The following CSMD3 variants were observed in gnomAD, a reference collection of about 807,000 sequenced individuals.
The protein encoded by CSMD3 is CUB and Sushi multiple domains 3.
A neutral mutation model predicts 435.2 loss-of-function variants in CSMD3; 177 were observed. That is an observed-to-expected ratio of 0.41 (90% CI 0.36 to 0.46). CSMD3 has a LOEUF of 0.46. Among genes scored for constraint, CSMD3 ranks in the 20% least tolerant of loss-of-function variants. The pLI is 0.34. For synonymous variants in CSMD3, 1,656 were observed against 1,520.5 expected (o/e 1.09, Z -2.07); for missense variants, 4,265 against 4,504.6 (o/e 0.95, Z 1.52).
chr8:112,921,013 A>G (rs952101948), intron 10 of CSMD3, among the ~76,000 whole-genome samples: 13 of 150,382 alleles, frequency 8.6e-5, no homozygotes, highest in South Asian at 6.5e-4. Flanking sequence ...ACACACACAC[A>G]CACACACACA....
chr8:112,598,791 G>A (rs910293225), intron 22 of CSMD3, among the ~76,000 whole-genome samples: 1 of 152,106 alleles, frequency 6.6e-6, no homozygotes, highest in African/African-American at 2.4e-5. Flanking sequence ...TTTAATAAAT[G>A]GTGCTGGGAA....
intron 32 of CSMD3, among the ~76,000 whole-genome samples, chr8:112,430,538 T>C (rs1437792564): frequency 1.3e-5 from 2 of 151,906 alleles, no homozygotes; most frequent in African/African-American, 4.8e-5. Flanking sequence ...AAACTGCTTT[T>C]TCAGTAATAA....
At chr8:112,870,947 T>G (rs2081119181) in intron 10 of CSMD3, among the ~76,000 whole-genome samples, 1 of 152,192 alleles carries the variant, frequency 6.6e-6, no homozygotes, top group Non-Finnish European at 1.5e-5. Flanking sequence ...ACTTACATAT[T>G]TTATTTCCAT....
chr8:112,981,309 G>T (rs1307902919), intron 6 of CSMD3, among the ~76,000 whole-genome samples: 1 of 151,424 alleles, frequency 6.6e-6, no homozygotes, highest in Non-Finnish European at 1.5e-5. Context: ...TCTTAGTGAT[G>T]TAAGAAAAAA....
chr8:112,549,519 C>T (rs1238312730), intron 27 of CSMD3, among the ~76,000 whole-genome samples: 2 of 151,936 alleles, frequency 1.3e-5, no homozygotes, highest in Non-Finnish European at 2.9e-5. Flanking sequence ...AAAAAGTCAG[C>T]CAAGACAATT....
At chr8:112,951,436 C>T (rs1268767320) in intron 8 of CSMD3, among the ~76,000 whole-genome samples, 1 of 151,700 alleles carries the variant, frequency 6.6e-6, no homozygotes, top group African/African-American at 2.4e-5. Context: ...TAAAATTCAC[C>T]TCCACATTAC....
rs531957321 is a variant in CSMD3 at position 113,279,407 on chromosome 8, G to A, written c.402-703C>T. Among the ~76,000 whole-genome samples, 68 of 151,580 alleles carry A rather than the reference G, an allele frequency of 4.5e-4. 1 individual carries two copies. The South Asian group carries it at 0.014, about 31-fold the overall frequency. On this transcript the variant is annotated intron_variant, in intron 2 of 70. Transcript: ENST00000297405. ...AACAATAAATATTTGAACTATTAATGTGTACATTAACATCCAAATCATTTT... is the reference window on the plus strand; with the variant it reads ...AACAATAAATATTTGAACTATTAATATGTACATTAACATCCAAATCATTTT...
At chr8:112,983,998 T>A (rs1163476979) in intron 6 of CSMD3, among the ~76,000 whole-genome samples, 2 of 151,974 alleles carry the variant, frequency 1.3e-5, no homozygotes, top group East Asian at 3.9e-4. Flanking sequence ...TAGCAGCAAA[T>A]TAATTAGTAG....
At chr8:113,168,744 A>G (rs998150619) in intron 4 of CSMD3, among the ~76,000 whole-genome samples, 1 of 151,984 alleles carries the variant, frequency 6.6e-6, no homozygotes, top group African/African-American at 2.4e-5. Flanking sequence ...TCTTGTTTCA[A>G]TATAGTACTT....
intron 4 of CSMD3, among the ~76,000 whole-genome samples, chr8:113,112,142 T>C (rs574142669): frequency 6.6e-6 from 1 of 152,092 alleles, no homozygotes; most frequent in Non-Finnish European, 1.5e-5. Flanking sequence ...GTTTACATTT[T>C]TTCGCTCAGC....
intron 13 of CSMD3, among the ~76,000 whole-genome samples, chr8:112,749,097 T>G (rs1315378958): frequency 6.6e-6 from 1 of 152,146 alleles, no homozygotes; most frequent in Non-Finnish European, 1.5e-5. Flanking sequence ...ATCAGTGATA[T>G]TGAGCTTTTT....
chr8:112,356,506 G>A (rs753782044), intron 38 of CSMD3, among the ~76,000 whole-genome samples: 2 of 151,888 alleles, frequency 1.3e-5, no homozygotes, highest in Non-Finnish European at 2.9e-5. Context: ...GGGGTTACTT[G>A]GTAGGGGAAA....
rs887288728 is a variant in CSMD3, at chr8:112,825,350, G to T, written c.1859+4336C>A. Among the ~76,000 whole-genome samples the T allele has an allele frequency of 3.9e-5, 6 of 152,128 alleles. No individual in the cohort carries two copies. In the East Asian group the frequency reaches 1.2e-3, roughly 29 times the overall value. On this transcript the variant is annotated intron_variant, in intron 12 of 70. Transcript: ENST00000297405. ...TCTGTCCAGTTCTGTGCCCTTGCTG[G>T]AGACGCACTGCAATCATTTGGAAGA...
intron 13 of CSMD3, among the ~76,000 whole-genome samples, chr8:112,776,428 A>G (rs1346135766): frequency 6.6e-6 from 1 of 151,760 alleles, no homozygotes. Context: ...AGATTTAGGC[A>G]ACAAGAATTT....
At chr8:112,867,042 T>A (rs2081004232) in intron 10 of CSMD3, among the ~76,000 whole-genome samples, 1 of 152,072 alleles carries the variant, frequency 6.6e-6, no homozygotes, top group Admixed American at 6.6e-5. Context: ...ATAAATATTC[T>A]TAGGGGCAAA....
intron 5 of CSMD3, among the ~76,000 whole-genome samples, chr8:113,087,829 A>C (rs2089853333): frequency 6.6e-6 from 1 of 152,196 alleles, no homozygotes; most frequent in African/African-American, 2.4e-5. Context: ...CACCAAAAGC[A>C]ATGGCAACAA....
intron 20 of CSMD3, among the ~76,000 whole-genome samples, chr8:112,639,554 C>A (rs994793268): frequency 1.3e-5 from 2 of 152,124 alleles, no homozygotes; most frequent in Non-Finnish European, 2.9e-5. Flanking sequence ...CAACACCCAG[C>A]GCCTTCTTTA....
intron 13 of CSMD3, among the ~76,000 whole-genome samples, chr8:112,730,392 T>C (rs2077050359): frequency 6.6e-6 from 1 of 152,104 alleles, no homozygotes. Context: ...ATTTCATACA[T>C]GGTCAAGCTA....
At chr8:112,806,489 A>G (rs2079089905) in intron 12 of CSMD3, among the ~76,000 whole-genome samples, 1 of 152,210 alleles carries the variant, frequency 6.6e-6, no homozygotes, top group African/African-American at 2.4e-5. Context: ...TGTGACAGCT[A>G]TCTTACAAGT....
Sources: allele counts gnomAD v4.1 joint callset (sites outside exome capture counted in the v4.1 genomes callset), GRCh38; gene constraint gnomAD v4.1.1; transcripts MANE v1.5; gene names NCBI Gene and HGNC (gene_info 2026-07-23, HGNC 2026-07-21).